Variants in VRTN observed in about 807,000 individuals in gnomAD.
VRTN encodes vertnin.
VRTN carries 5 observed loss-of-function variants against 18.2 expected under a neutral mutation model. That is an observed-to-expected ratio of 0.27 (90% CI 0.14 to 0.58). The LOEUF (loss-of-function observed/expected upper bound fraction) is 0.58, where lower values mean the gene tolerates loss of function less well. Among genes scored for constraint, VRTN ranks in the 20% least tolerant of loss-of-function variants. The probability of loss-of-function intolerance (pLI) is 0.91; values close to 1 mark genes in which losing one functional copy is unlikely to be tolerated. For missense variants in VRTN, 741 were observed against 939.4 expected (o/e 0.79, Z 2.76); for synonymous variants, 381 against 393.7 (o/e 0.97, Z 0.38).
intron 1 of VRTN, among the ~76,000 whole-genome samples, chr14:74,308,553 T>C (rs2085369229): frequency 6.6e-6 from 1 of 152,140 alleles, no homozygotes; most frequent in African/African-American, 2.4e-5. Context: ...TCGCTCTTGT[T>C]GCTCAGGCTG....
rs750360655 is a variant in VRTN at position 74,357,409 on chromosome 14, G to A, written c.626G>A (p.Arg209His). 5 of 1,612,908 alleles carry A rather than the reference G, an allele frequency of 3.1e-6. No individual in the cohort carries two copies. The highest frequency in any genetic ancestry group is 1.1e-5 in the South Asian group (1 of 91,080). The change falls in exon 2 of 2, where the codon CGC becomes CAC. Residue 209 changes from arginine (R) to histidine (H), a missense_variant. Transcript: ENST00000256362. This position sits in a 1 kb window ranked among gnomAD's most constrained non-coding sequence, Gnocchi z 7.8. Reference protein sequence around the residue: ...RPYFNRVIRPRRCDHVPSTLH... With the variant: ...RPYFNRVIRPHRCDHVPSTLH... The stretch of plus-strand genomic sequence containing the variant: ...TACTTCAACCGTGTCATCCGGCCCC[G>A]CCGCTGCGACCACGTGCCCTCCACG...
At chr14:74,335,721 C>G (rs1350723854) in intron 1 of VRTN, among the ~76,000 whole-genome samples, 1 of 151,324 alleles carries the variant, frequency 6.6e-6, no homozygotes, top group Non-Finnish European at 1.5e-5. Context: ...AGCAGTTTCT[C>G]CCCTTTTACA....
chr14:74,307,376 C>T (rs1017779073), intron 1 of VRTN, among the ~76,000 whole-genome samples: 1 of 151,878 alleles, frequency 6.6e-6, no homozygotes, highest in Non-Finnish European at 1.5e-5. Flanking sequence ...TTGATCCACG[C>T]GCCTCCACCT....
chr14:74,355,833 C>CTT (rs75088178), intron 1 of VRTN, among the ~76,000 whole-genome samples: 7 of 145,230 alleles, frequency 4.8e-5, no homozygotes, highest in East Asian at 4.0e-4. Flanking sequence ...TGGCCTCTCT[C>CTT]TTTTTTTTTT....
intron 1 of VRTN, among the ~76,000 whole-genome samples, chr14:74,331,747 A>G (rs2085527145): frequency 6.6e-6 from 1 of 151,276 alleles, no homozygotes; most frequent in Admixed American, 6.6e-5. Flanking sequence ...AAGACGTGAA[A>G]TCTTCACAAC....
At chr14:74,352,923 C>A (rs557424213) in intron 1 of VRTN, among the ~76,000 whole-genome samples, 2 of 152,260 alleles carry the variant, frequency 1.3e-5, no homozygotes, top group South Asian at 2.1e-4. Flanking sequence ...TAAAAACATA[C>A]CAATAATTGA....
intron 2 of VRTN, among the ~76,000 whole-genome samples, chr14:74,342,294 T>G (rs760476496): frequency 5.3e-5 from 8 of 151,596 alleles, no homozygotes; most frequent in Admixed American, 2.6e-4. Flanking sequence ...CTGTTCGGAC[T>G]GTGGTTCAAA....
chr14:74,343,190 G>C (rs2108760), intron 2 of VRTN, among the ~76,000 whole-genome samples: 532 of 151,870 alleles, frequency 3.5e-3, no homozygotes, highest in African/African-American at 0.012. Context: ...GCAGTGCTGC[G>C]ACCTTGGCTA....
intron 1 of VRTN, among the ~76,000 whole-genome samples, chr14:74,331,544 TTATATA>T (rs1169929236): frequency 0.053 from 2,294 of 43,204 alleles, 70 homozygotes; most frequent in Middle Eastern, 0.16. Flanking sequence ...AAAAAAAATT[TTATATA>T]TATATATATA....
At chr14:74,321,677 T>C (rs373352040) in intron 1 of VRTN, among the ~76,000 whole-genome samples, 80 of 152,154 alleles carry the variant, frequency 5.3e-4, no homozygotes, top group South Asian at 2.1e-3. Context: ...CTAATTTTTG[T>C]ATTTTTAGTA....
In VRTN at chr14:74,324,545, G is replaced by T. The variant is rs543300281; in HGVS notation, c.-163-13178G>T. Among the ~76,000 whole-genome samples, 5 of 152,190 alleles carry T rather than the reference G, an allele frequency of 3.3e-5. No individual in the cohort carries two copies. In the South Asian group the frequency reaches 1.0e-3, roughly 32 times the overall value. On this transcript the variant is annotated intron_variant, in intron 1 of 2. Coordinates refer to the VRTN transcript ENST00000557177. Reference sequence around the variant, plus strand: ...TGGCTGAGATGGTGAGATATGGACAGCCTGAGGCAGTCCTGGGCCCCAAAG... The same window carrying T: ...TGGCTGAGATGGTGAGATATGGACATCCTGAGGCAGTCCTGGGCCCCAAAG...
chr14:74,319,610 T>A (rs2140195804), intron 1 of VRTN, among the ~76,000 whole-genome samples: 1 of 152,294 alleles, frequency 6.6e-6, no homozygotes, highest in Non-Finnish European at 1.5e-5. Flanking sequence ...AATCAAGAGT[T>A]TGTTTATGGA....
At chr14:74,343,570 A>C (rs904959362), upstream of VRTN, among the ~76,000 whole-genome samples, 8 of 152,216 alleles carry the variant, frequency 5.3e-5, no homozygotes, top group Non-Finnish European at 1.0e-4. Flanking sequence ...TTCAATCAGC[A>C]AAAGATGGAA....
At chr14:74,346,437 ACT>A (rs1454681710), upstream of VRTN, among the ~76,000 whole-genome samples, 1 of 151,774 alleles carries the variant, frequency 6.6e-6, no homozygotes, top group Non-Finnish European at 1.5e-5. Context: ...ACAGGATCTC[ACT>A]CTGTCACCCA....
Position 74,357,616 on chromosome 14 carries a change from C to T in VRTN, c.833C>T (p.Pro278Leu), listed in dbSNP as rs780520228. The change falls in exon 2 of 2, where the codon CCT becomes CTT. Residue 278 changes from proline (P) to leucine (L), a missense_variant. Physicochemically the swap from Pro to Leu is moderately conservative, Grantham distance 98. Transcript: ENST00000256362. This position sits in a 1 kb window ranked among gnomAD's most constrained non-coding sequence, Gnocchi z 7.8. Reference protein sequence around the residue: ...AKTLELLNREPGLSYSHLCER... With the variant: ...AKTLELLNRELGLSYSHLCER... ...ACCCTGGAGCTGCTCAACCGTGAAC[C>T]TGGCCTCAGCTACTCTCACCTCTGT... The T allele has an allele frequency of 6.2e-6, 10 of 1,613,960 alleles. No homozygotes were observed. The highest frequency in any genetic ancestry group is 8.5e-6 in the Non-Finnish European group (10 of 1,180,044).
chr14:74,327,961 T>A (rs999694237), intron 1 of VRTN, among the ~76,000 whole-genome samples: 1 of 152,060 alleles, frequency 6.6e-6, no homozygotes, highest in African/African-American at 2.4e-5. Context: ...GGTCAGATGA[T>A]CCACCCACCT....
chr14:74,340,530 ACCATACCCGGCCAATGAGAAG>A (rs2140206439), intron 2 of VRTN, among the ~76,000 whole-genome samples: 1 of 152,272 alleles, frequency 6.6e-6, no homozygotes, highest in Admixed American at 6.5e-5. Context: ...GGCGTGAGCC[ACCATACCCGGCCAATGAGAAG>A]CCTTTTGAGT....
chr14:74,320,306 G>C (rs1209941446), intron 1 of VRTN, among the ~76,000 whole-genome samples: 2 of 135,994 alleles, frequency 1.5e-5, no homozygotes, highest in Non-Finnish European at 3.1e-5. Flanking sequence ...TGTCGCCCAG[G>C]CTGGAGTGCA....
chr14:74,324,013 C>T (rs978452832), intron 1 of VRTN, among the ~76,000 whole-genome samples: 9 of 152,094 alleles, frequency 5.9e-5, no homozygotes, highest in Admixed American at 5.9e-4. Context: ...GAAATTTGAT[C>T]TTTCCTTATG....
Sources: allele counts gnomAD v4.1 joint callset (sites outside exome capture counted in the v4.1 genomes callset), GRCh38; gene constraint gnomAD v4.1.1; non-coding constraint Gnocchi (gnomAD v3.1); transcripts MANE v1.5; gene names NCBI Gene and HGNC (gene_info 2026-07-23, HGNC 2026-07-21).